SLC16A7: variants seen among roughly 807,000 people sequenced by gnomAD.
The protein encoded by SLC16A7 is monocarboxylate transporter 2.
A neutral mutation model predicts 34.9 loss-of-function variants in SLC16A7; 33 were observed. The observed-to-expected ratio is 0.94, with a 90% CI of 0.72 to 1.26. SLC16A7 has a LOEUF of 1.26. Ranked by LOEUF, SLC16A7 falls within the 50% of genes most tolerant of loss-of-function variation. The probability of loss-of-function intolerance (pLI) is 0.00; values close to 1 mark genes in which losing one functional copy is unlikely to be tolerated. For synonymous variants in SLC16A7, 201 were observed against 206.6 expected (o/e 0.97, Z 0.23); for missense variants, 573 against 578.1 (o/e 0.99, Z 0.09).
At chr12:59,635,576 A>T (rs937324793) in intron 1 of SLC16A7, among the ~76,000 whole-genome samples, 7 of 152,054 alleles carry the variant, frequency 4.6e-5, no homozygotes, top group African/African-American at 1.7e-4. Context: ...AGCAGTTTGA[A>T]ACTTATTTTT....
intron 1 of SLC16A7, among the ~76,000 whole-genome samples, chr12:59,612,001 A>T (rs953651476): frequency 2.0e-5 from 3 of 152,172 alleles, no homozygotes; most frequent in African/African-American, 7.2e-5. Context: ...ACATGGTGCA[A>T]GCTGTCAGTG....
intron 3 of SLC16A7, chr12:59,720,126 G>C (rs1875399516): frequency 2.9e-6 from 2 of 696,242 alleles, no homozygotes; most frequent in Non-Finnish European, 5.2e-6. Flanking sequence ...TGATTGACGT[G>C]TTATTATGGG....
chr12:59,603,233 G>C (rs920786388), intron 1 of SLC16A7, among the ~76,000 whole-genome samples: 1 of 152,108 alleles, frequency 6.6e-6, no homozygotes, highest in African/African-American at 2.4e-5. Flanking sequence ...CACCCTACCA[G>C]TTAATTCTGT....
chr12:59,741,249 G>A (rs533297104), intron 3 of SLC16A7, among the ~76,000 whole-genome samples: 4 of 152,246 alleles, frequency 2.6e-5, no homozygotes, highest in South Asian at 4.2e-4. Flanking sequence ...AGCCCGCATC[G>A]CCAAGTCAAT....
intron 1 of SLC16A7, among the ~76,000 whole-genome samples, chr12:59,600,704 AAATT>A (rs1318007126): frequency 6.6e-6 from 1 of 152,182 alleles, no homozygotes; most frequent in Non-Finnish European, 1.5e-5. Context: ...ATGTGGGAGA[AAATT>A]AAACAAATTG....
chr12:59,765,663 G>A (rs1359419321), intron 3 of SLC16A7, among the ~76,000 whole-genome samples: 10 of 152,198 alleles, frequency 6.6e-5, no homozygotes, highest in African/African-American at 2.2e-4. Flanking sequence ...CATTATTTCT[G>A]AGGGCTCTGT....
At chr12:59,739,175 T>C (rs889679994) in intron 3 of SLC16A7, among the ~76,000 whole-genome samples, 4 of 143,162 alleles carry the variant, frequency 2.8e-5, no homozygotes, top group Non-Finnish European at 6.1e-5. Flanking sequence ...GTATATCTCC[T>C]AAAGCTATCC....
intron 1 of SLC16A7, among the ~76,000 whole-genome samples, chr12:59,613,507 G>T (rs1345234109): frequency 6.6e-6 from 1 of 152,152 alleles, no homozygotes; most frequent in Admixed American, 6.5e-5. Context: ...GTACAGCAAA[G>T]TTTTATAGTG....
chr12:59,762,814 A>T (rs1881159589), intron 3 of SLC16A7, among the ~76,000 whole-genome samples: 1 of 131,990 alleles, frequency 7.6e-6, no homozygotes, highest in South Asian at 2.4e-4. Context: ...ATGAGACCAC[A>T]TCTTTCTCAA....
chr12:59,599,972 C>A (rs1878606767), intron 1 of SLC16A7, among the ~76,000 whole-genome samples: 1 of 152,146 alleles, frequency 6.6e-6, no homozygotes, highest in Non-Finnish European at 1.5e-5. Context: ...TGGGACAGGA[C>A]AGGGCAGACG....
chr12:59,640,981 C>A (rs1005244714), intron 1 of SLC16A7, among the ~76,000 whole-genome samples: 3 of 151,844 alleles, frequency 2.0e-5, no homozygotes, highest in Non-Finnish European at 4.4e-5. Context: ...ACACTGAAGG[C>A]AACATTTGTA....
chr12:59,638,066 A>G (rs1202217174), intron 1 of SLC16A7, among the ~76,000 whole-genome samples: 1 of 152,164 alleles, frequency 6.6e-6, no homozygotes, highest in Non-Finnish European at 1.5e-5. Flanking sequence ...TTATAGCAGT[A>G]CAAAATGAGC....
intron 1 of SLC16A7, among the ~76,000 whole-genome samples, chr12:59,621,521 C>A (rs1406597545): frequency 6.6e-6 from 1 of 151,898 alleles, no homozygotes; most frequent in African/African-American, 2.4e-5. Context: ...CTCTGTGCAC[C>A]ATTTAATGCC....
chr12:59,779,735 C>A lies in SLC16A7; in HGVS notation c.*56C>A. The A allele has an allele frequency of 1.4e-6, 2 of 1,413,130 alleles. No individual in the cohort carries two copies. Among genetic ancestry groups the A allele is most frequent in the South Asian group, 1.4e-5 (1 of 69,022 alleles). 87.5% of individuals were successfully genotyped at this position (1,413,130 alleles called of 1,614,324 possible). On this transcript the variant is annotated 3_prime_UTR_variant, in exon 6 of 6. Transcript: ENST00000547379. Reference sequence around the variant, plus strand: ...TGACTTTATCTAGGAGTTTGTTTTTCATTTTGTTTTTTTAAAGTATTAGAA... The same window carrying A: ...TGACTTTATCTAGGAGTTTGTTTTTAATTTTGTTTTTTTAAAGTATTAGAA...
chr12:59,618,593 TC>T (rs145001748), intron 1 of SLC16A7, among the ~76,000 whole-genome samples: 8,847 of 152,032 alleles, frequency 0.058, 487 homozygotes, highest in East Asian at 0.3. Context: ...GGAAACTAAT[TC>T]TTGTAAAGTA....
Position 59,662,989 on chromosome 12 carries a change from G to A in SLC16A7, c.-31+7739G>A, listed in dbSNP as rs192570001. On this transcript the variant is annotated intron_variant, in intron 2 of 5. Coordinates refer to ENST00000547379, the MANE Select transcript of SLC16A7 (RefSeq NM_001270623.2). ...ATAATTTGAACTCTTTAAACTTTTC[G>A]AACATGCACACTAGACGTAACAGAC... Among the ~76,000 whole-genome samples, 110 of 151,988 alleles carry A rather than the reference G, an allele frequency of 7.2e-4. 1 individual carries two copies. Among genetic ancestry groups the A allele is most frequent in the South Asian group, 1.2e-3 (6 of 4,820 alleles).
chr12:59,690,878 G>T (rs932462985), intron 2 of SLC16A7, among the ~76,000 whole-genome samples: 1 of 151,660 alleles, frequency 6.6e-6, no homozygotes, highest in African/African-American at 2.4e-5. Context: ...AGCACGGATC[G>T]ATTTCTCTTT....
intron 1 of SLC16A7, among the ~76,000 whole-genome samples, chr12:59,611,074 C>T (rs983656369): frequency 7.9e-5 from 12 of 152,126 alleles, no homozygotes; most frequent in Non-Finnish European, 1.6e-4. Flanking sequence ...TCTCTTAGGT[C>T]TCATTTATAA....
chr12:59,758,166 C>CA (rs535411507), intron 3 of SLC16A7, among the ~76,000 whole-genome samples: 9 of 148,888 alleles, frequency 6.0e-5, no homozygotes, highest in South Asian at 2.1e-4. Flanking sequence ...TGTCAATTAA[C>CA]AAAAAAAAAT....
Sources: allele counts gnomAD v4.1 joint callset (sites outside exome capture counted in the v4.1 genomes callset), GRCh38; gene constraint gnomAD v4.1.1; transcripts MANE v1.5; gene names NCBI Gene and HGNC (gene_info 2026-07-23, HGNC 2026-07-21).